Variants in FAM135B observed in about 807,000 individuals in gnomAD.
The protein encoded by FAM135B is protein FAM135B.
In FAM135B, 43 loss-of-function variants were observed where a neutral mutation model predicts 127.7. The observed-to-expected ratio is 0.34, with a 90% CI of 0.26 to 0.43. The LOEUF is 0.43. Among genes scored for constraint, FAM135B ranks in the 20% least tolerant of loss-of-function variants. The probability of loss-of-function intolerance (pLI) is 1.00; values close to 1 mark genes in which losing one functional copy is unlikely to be tolerated. For synonymous variants in FAM135B, 670 were observed against 665.1 expected, an observed-to-expected ratio of 1.01 and a Z score of -0.11; for missense variants, 1,558 against 1,725.6, an observed-to-expected ratio of 0.90 and a Z score of 1.72.
chr8:138,212,738 G>A (rs1047728051), intron 7 of FAM135B, among the ~76,000 whole-genome samples: 1 of 152,152 alleles, frequency 6.6e-6, no homozygotes, highest in African/African-American at 2.4e-5. Flanking sequence ...TTCATTAAAA[G>A]CAATTCCCCT....
chr8:138,152,934 G>A lies in FAM135B; in HGVS notation c.1541C>T (p.Pro514Leu), dbSNP rs200253212. 348 of 1,614,004 alleles carry A rather than the reference G, an allele frequency of 2.2e-4. No individual in the cohort carries two copies. The highest frequency in any genetic ancestry group is 2.6e-4 in the Non-Finnish European group (302 of 1,180,032). ...IGEFQNKAGV[P>L]EDECWTGQTS... ...TTGGCCAGTCCAACATTCATCTTCA[G>A]GCACACCTGCTTTGTTTTGAAATTC... Residue 514 changes from proline (P) to leucine (L), a missense_variant, in exon 13 of 20, where the codon CCT (proline) becomes CTT (leucine). This residue lies in a region of FAM135B where 923 missense variants were observed against 865.3 expected (regional missense o/e 1.07). Coordinates refer to ENST00000395297, the MANE Select transcript of FAM135B (RefSeq NM_015912.4).
intron 9 of FAM135B, among the ~76,000 whole-genome samples, chr8:138,187,433 C>T (rs746962288): frequency 6.6e-6 from 1 of 152,122 alleles, no homozygotes; most frequent in Non-Finnish European, 1.5e-5. Context: ...GTGAGAGAGA[C>T]TTCATCTACA....
intron 1 of FAM135B, among the ~76,000 whole-genome samples, chr8:138,419,011 C>A (rs1834334030): frequency 6.6e-6 from 1 of 151,948 alleles, no homozygotes; most frequent in African/African-American, 2.4e-5. Flanking sequence ...GAATATTAAC[C>A]TTGAACATAA....
intron 1 of FAM135B, among the ~76,000 whole-genome samples, chr8:138,471,523 G>A (rs1264995817): frequency 6.6e-6 from 1 of 152,114 alleles, no homozygotes; most frequent in Non-Finnish European, 1.5e-5. Flanking sequence ...CTGGCTTAGG[G>A]AAACAGATGG....
At chr8:138,428,442 A>T (rs1169459601) in intron 1 of FAM135B, among the ~76,000 whole-genome samples, 1 of 152,150 alleles carries the variant, frequency 6.6e-6, no homozygotes, top group Non-Finnish European at 1.5e-5. Context: ...CTCTGTTTAC[A>T]GCTGGGGTAC....
chr8:138,381,893 TG>T (rs1221433267), intron 1 of FAM135B, among the ~76,000 whole-genome samples: 1 of 151,768 alleles, frequency 6.6e-6, no homozygotes, highest in Non-Finnish European at 1.5e-5. Context: ...CAGTAACGGG[TG>T]GTGTCTCAAC....
Position 138,204,562 on chromosome 8 carries a change from T to C in FAM135B, c.670-6893A>G, listed in dbSNP as rs140997537. On this transcript the variant is annotated intron_variant, in intron 7 of 19. Transcript: ENST00000395297. Reference sequence around the variant, plus strand: ...ACAGGGCACTGCAATGGCACGACAGTGTAGACTTGATGTATAGAGGCCTGG... The same window carrying C: ...ACAGGGCACTGCAATGGCACGACAGCGTAGACTTGATGTATAGAGGCCTGG... Among the ~76,000 whole-genome samples the C allele has an allele frequency of 4.5e-4, 68 of 152,312 alleles. No homozygotes were observed. The Middle Eastern group carries it at 0.01, about 23-fold the overall frequency.
intron 8 of FAM135B, among the ~76,000 whole-genome samples, chr8:138,196,957 C>T (rs537788888): frequency 6.6e-6 from 1 of 152,300 alleles, no homozygotes; most frequent in African/African-American, 2.4e-5. Flanking sequence ...CACTGATTTC[C>T]ATGATGTCTC....
chr8:138,437,629 T>G (rs1417779707), intron 1 of FAM135B: 1 of 152,210 alleles, frequency 6.6e-6, no homozygotes, highest in Non-Finnish European at 1.5e-5. Flanking sequence ...AGTGTGAATA[T>G]GGACTAATAC....
intron 11 of FAM135B, among the ~76,000 whole-genome samples, chr8:138,173,841 T>C (rs1252922405): frequency 3.9e-5 from 6 of 152,230 alleles, no homozygotes; most frequent in Non-Finnish European, 7.3e-5. Context: ...CATTCATTCC[T>C]CAGCAAACTT....
chr8:138,407,113 A>G (rs1165536426), intron 1 of FAM135B, among the ~76,000 whole-genome samples: 2 of 151,342 alleles, frequency 1.3e-5, no homozygotes, highest in Admixed American at 6.6e-5. Flanking sequence ...TACATCAATA[A>G]CAGACAAACA....
chr8:138,279,842 T>C (rs1380313100), intron 3 of FAM135B, among the ~76,000 whole-genome samples: 1 of 152,116 alleles, frequency 6.6e-6, no homozygotes, highest in Non-Finnish European at 1.5e-5. Flanking sequence ...ATCACTTGAG[T>C]CTCTTCCCTG....
At chr8:138,240,477 G>T (rs576995644) in intron 7 of FAM135B, among the ~76,000 whole-genome samples, 1 of 152,338 alleles carries the variant, frequency 6.6e-6, no homozygotes, top group South Asian at 2.1e-4. Flanking sequence ...AGCAATGAAT[G>T]GTCTGTGTGG....
rs370103605 is a variant in FAM135B at position 138,148,520 on chromosome 8, C to T, written c.3448G>A (p.Gly1150Arg). ...GAAGAAAACTTGTTTTAGAACTCACCATCCAGGCCATGGACACAGACAACC... is the reference window on the plus strand; with the variant it reads ...GAAGAAAACTTGTTTTAGAACTCACTATCCAGGCCATGGACACAGACAACC... ...HLVVCVHGLDGNSADLRLVKT... is the reference protein window; with the variant it reads ...HLVVCVHGLDRNSADLRLVKT... The change falls in exon 14 of 20, where the codon GGG (glycine) becomes AGG (arginine). Residue 1150 changes from glycine (G) to arginine (R), a missense_variant and splice_region_variant. Transcript: ENST00000395297. The T allele has an allele frequency of 6.2e-7, 1 of 1,612,972 alleles. No individual in the cohort carries two copies. The highest frequency in any genetic ancestry group is 1.3e-5 in the African/African-American group (1 of 74,834).
intron 3 of FAM135B, among the ~76,000 whole-genome samples, chr8:138,305,851 T>G (rs1826209044): frequency 6.6e-6 from 1 of 152,148 alleles, no homozygotes; most frequent in Admixed American, 6.5e-5. Context: ...TATATATACA[T>G]GTATATATTT....
intron 2 of FAM135B, among the ~76,000 whole-genome samples, chr8:138,319,086 GTT>G (rs5895514): frequency 2.6e-4 from 39 of 151,704 alleles, no homozygotes; most frequent in South Asian, 1.3e-3. Context: ...AAATCTACAA[GTT>G]TTTTTTTTTT....
chr8:138,341,350 T>C (rs1382166912), intron 2 of FAM135B, among the ~76,000 whole-genome samples: 1 of 152,142 alleles, frequency 6.6e-6, no homozygotes, highest in Non-Finnish European at 1.5e-5. Context: ...TCCTATGAGG[T>C]TCCTTGCATA....
chr8:138,137,274 C>T lies in FAM135B; in HGVS notation c.3902-14G>A, dbSNP rs376657625. 3.6e-5 allele frequency: 50 copies of T among 1,390,598 alleles called. No homozygotes were observed. Among genetic ancestry groups the T allele is most frequent in the Non-Finnish European group, 4.5e-5 (44 of 976,824 alleles). The allele number at this position is 1,390,598 out of a possible 1,614,324, so 86.1% of individuals were successfully genotyped here. ...AATACTGCAGCCCTGTAAAAATTAG[C>T]CAGATGAGTGCTTTTTACCCAGGTA... On this transcript the variant is annotated splice_polypyrimidine_tract_variant and intron_variant, in intron 18 of 19. Coordinates refer to ENST00000395297, the MANE Select transcript of FAM135B (RefSeq NM_015912.4).
intron 9 of FAM135B, among the ~76,000 whole-genome samples, chr8:138,193,003 A>G (rs943846758): frequency 2.0e-5 from 3 of 152,154 alleles, no homozygotes; most frequent in South Asian, 4.1e-4. Flanking sequence ...ATTCAAAGCC[A>G]TGTCTCCCTG....
Sources: gnomAD v4.1 joint callset for allele counts (sites outside exome capture counted in the v4.1 genomes callset) on GRCh38, gnomAD v4.1.1 for gene constraint, gnomAD v4.1.1 regional missense constraint, MANE v1.5 for transcripts, NCBI Gene and HGNC (gene_info 2026-07-23, HGNC 2026-07-21) for gene names.